STIP1: variants seen among roughly 807,000 people sequenced by gnomAD.
The protein encoded by STIP1 is stress-induced-phosphoprotein 1.
STIP1 carries 16 observed loss-of-function variants against 77.4 expected under a neutral mutation model. The observed-to-expected ratio is 0.21, with a 90% CI of 0.14 to 0.31. The LOEUF (loss-of-function observed/expected upper bound fraction) is 0.31. STIP1 is among the 10% of genes least tolerant of loss of function. The probability of loss-of-function intolerance (pLI) is 1.00; values close to 1 mark genes in which losing one functional copy is unlikely to be tolerated. For missense variants in STIP1, 524 were observed against 684.8 expected (o/e 0.77, Z 2.62); for synonymous variants, 258 against 246.6 (o/e 1.05, Z -0.44).
rs759585589 is a variant in STIP1, at chr11:64,200,532, GGT to G, written c.1245+250_1245+251del. 4.4e-4 allele frequency among the ~76,000 whole-genome samples: 67 copies of G among 150,738 alleles called. 1 individual carries two copies. The Middle Eastern group carries it at 0.01, about 23-fold the overall frequency. On this transcript the variant is annotated intron_variant, in intron 10 of 13. Coordinates refer to ENST00000305218, the MANE Select transcript of STIP1 (RefSeq NM_006819.3). ...TTGCTGTGTTGCCCAGATTTATAGG[GGT>G]GTGTGTGTGTATGTGTGTGTGCGTG...
intron 10 of STIP1, among the ~76,000 whole-genome samples, chr11:64,201,407 G>A (rs997288994): frequency 1.3e-5 from 2 of 152,148 alleles, no homozygotes; most frequent in African/African-American, 4.8e-5. Flanking sequence ...TTGCTTTTCT[G>A]TTTTGCTCAG....
Position 64,204,227 on chromosome 11 carries a change from C to T in STIP1, c.*101C>T. ...GAAGGGAGAGCAGGGGAGAGAAGGC[C>T]TCATCTCTCTATATTTATACATAAC... On this transcript the variant is annotated 3_prime_UTR_variant, in exon 14 of 14. Transcript: ENST00000305218. The T allele has an allele frequency of 8.7e-7, 1 of 1,154,808 alleles. No individual in the cohort carries two copies. Among genetic ancestry groups the T allele is most frequent in the Non-Finnish European group, 1.3e-6 (1 of 789,754 alleles). 71.5% of individuals were successfully genotyped at this position (1,154,808 alleles called of 1,614,324 possible).
intron 1 of STIP1, among the ~76,000 whole-genome samples, chr11:64,191,335 C>T (rs1024512859): frequency 7.9e-5 from 12 of 151,862 alleles, no homozygotes; most frequent in South Asian, 2.1e-4. Flanking sequence ...TGGCCAGGCG[C>T]GGTGGCTCAC....
Position 64,195,771 on chromosome 11 carries a change from G to A in STIP1, c.630G>A (p.Lys210=), listed in dbSNP as rs542878349. ...PPPPPPKKET[K]PEPMEEDLPE... is the part of the protein sequence containing the mutation. Reference sequence around the variant, plus strand: ...CACCCCCTCCCAAAAAGGAGACCAAGCCAGAGCCAATGGAAGAAGATCTTC... The same window carrying A: ...CACCCCCTCCCAAAAAGGAGACCAAACCAGAGCCAATGGAAGAAGATCTTC... The change falls in exon 5 of 14, where the codon AAG becomes AAA. Residue 210 remains lysine, a synonymous_variant. Transcript: ENST00000305218. 4 of 1,614,120 alleles carry A rather than the reference G, an allele frequency of 2.5e-6. No individual in the cohort carries two copies. The South Asian group carries it at 4.4e-5, about 18-fold the overall frequency.
intron 10 of STIP1, among the ~76,000 whole-genome samples, chr11:64,200,799 T>C (rs1167668628): frequency 2.6e-5 from 4 of 152,030 alleles, no homozygotes; most frequent in Non-Finnish European, 5.9e-5. Context: ...GTGGTGTCTG[T>C]GTTTACTTTT....
chr11:64,190,407 C>T (rs575294252), intron 1 of STIP1, among the ~76,000 whole-genome samples: 29 of 152,140 alleles, frequency 1.9e-4, no homozygotes, highest in Admixed American at 3.9e-4. Context: ...CTCCTGACCT[C>T]AGGTGATCTG....
intron 1 of STIP1, among the ~76,000 whole-genome samples, chr11:64,187,475 T>C (rs1299291828): frequency 4.6e-5 from 7 of 152,218 alleles, no homozygotes; most frequent in Non-Finnish European, 2.9e-5. Context: ...CTCGATGGAC[T>C]AGTGACTACC....
chr11:64,200,556 C>T (rs1490954636), intron 10 of STIP1, among the ~76,000 whole-genome samples: 10 of 140,690 alleles, frequency 7.1e-5, no homozygotes, highest in African/African-American at 1.9e-4. Flanking sequence ...TGTGTGTGTG[C>T]GTGTGTAAAA....
chr11:64,187,364 A>G (rs1308256171), intron 1 of STIP1, among the ~76,000 whole-genome samples: 2 of 151,808 alleles, frequency 1.3e-5, no homozygotes, highest in African/African-American at 4.8e-5. Context: ...CCGGGCCCAT[A>G]ACACTTGGGG....
At position 64,197,367 on chromosome 11, in the gene STIP1, A is replaced by T; in HGVS notation, c.769A>T (p.Thr257Ser). ...CGACAAAGCCAAGGAGCTGGACCCC[A>T]CTAACATGACTTACATTACCAATCA... ...HYDKAKELDP[T>S]NMTYITNQAA... The change falls in exon 6 of 14, where the codon ACT becomes TCT. Residue 257 changes from threonine (T) to serine (S), a missense_variant. Thr to Ser is a moderately conservative substitution (Grantham distance 58). Transcript: ENST00000305218. 1 of 1,614,052 alleles carries T rather than the reference A, an allele frequency of 6.2e-7. No individual in the cohort carries two copies. The highest frequency in any genetic ancestry group is 8.5e-7 in the Non-Finnish European group (1 of 1,180,018).
At chr11:64,185,638 A>G (rs1946001342), upstream of STIP1, 5 of 742,620 alleles carry the variant, frequency 6.7e-6, no homozygotes, top group South Asian at 9.7e-5. Flanking sequence ...CGAGAGGGAA[A>G]GCAACCCAGA....
chr11:64,193,352 CT>C, intron 2 of STIP1, 65 bp downstream of exon 2: 1 of 1,501,762 alleles, frequency 6.7e-7, no homozygotes, highest in South Asian at 1.1e-5. Flanking sequence ...TTTTGGTGGC[CT>C]GAGGTTTACC....
At position 64,189,196 on chromosome 11, in the gene STIP1, A is replaced by C. The variant is rs189751747; in HGVS notation, c.9+2926A>C. On this transcript the variant is annotated intron_variant, in intron 1 of 13. Coordinates refer to ENST00000305218, the MANE Select transcript of STIP1 (RefSeq NM_006819.3). ...GCCAATATGGTGAAACCCTGTCTCTATTAAAAATACAAAAATTAGCTGGAT... is the reference window on the plus strand; with the variant it reads ...GCCAATATGGTGAAACCCTGTCTCTCTTAAAAATACAAAAATTAGCTGGAT... Among the ~76,000 whole-genome samples, 14 of 152,308 alleles carry C rather than the reference A, an allele frequency of 9.2e-5. No homozygotes were observed. In the East Asian group the frequency reaches 2.7e-3, roughly 29 times the overall value.
intron 5 of STIP1, among the ~76,000 whole-genome samples, chr11:64,196,575 A>T (rs888349643): frequency 2.6e-5 from 4 of 152,070 alleles, no homozygotes; most frequent in African/African-American, 9.7e-5. Flanking sequence ...CGTGATCCGA[A>T]GAATGTTGTC....
At chr11:64,193,651 G>A (rs1446778860) in intron 2 of STIP1, among the ~76,000 whole-genome samples, 7 of 152,124 alleles carry the variant, frequency 4.6e-5, no homozygotes, top group Non-Finnish European at 1.0e-4. Flanking sequence ...GCCAGGCATG[G>A]TGGCATGTGC....
chr11:64,197,921 A>T lies in STIP1; in HGVS notation c.970A>T (p.Asn324Tyr), dbSNP rs372138048. Residue 324 changes from asparagine to tyrosine, a missense_variant, in exon 8 of 14, where the codon AAC (asparagine) becomes TAC (tyrosine). By Grantham distance (143) the Asn-to-Tyr change is moderately radical (BLOSUM62 -2). Coordinates refer to ENST00000305218, the MANE Select transcript of STIP1 (RefSeq NM_006819.3). ...EKYKDAIHFY[N>Y]KSLAEHRTPD... ...GTACAAGGATGCCATCCATTTCTATAACAAGTCTCTGGCAGAGCACCGAAC... is the reference window on the plus strand; with the variant it reads ...GTACAAGGATGCCATCCATTTCTATTACAAGTCTCTGGCAGAGCACCGAAC... 26 of 1,613,234 alleles carry T rather than the reference A, an allele frequency of 1.6e-5. No individual in the cohort carries two copies. The highest frequency in any genetic ancestry group is 1.9e-5 in the Non-Finnish European group (22 of 1,179,876).
At chr11:64,188,819 G>C (rs1215681632) in intron 1 of STIP1, among the ~76,000 whole-genome samples, 1 of 152,184 alleles carries the variant, frequency 6.6e-6, no homozygotes, top group African/African-American at 2.4e-5. Context: ...TTAATCCCAG[G>C]TGTGTTTGAG....
intron 4 of STIP1, among the ~76,000 whole-genome samples, chr11:64,195,237 C>T (rs953341213): frequency 2.6e-5 from 4 of 152,126 alleles, no homozygotes; most frequent in African/African-American, 9.7e-5. Context: ...CCTCAGCCTC[C>T]TGAGTAGCTG....
chr11:64,198,849 G>A (rs1157169595), intron 8 of STIP1, among the ~76,000 whole-genome samples: 1 of 143,864 alleles, frequency 7.0e-6, no homozygotes, highest in Non-Finnish European at 1.5e-5. Context: ...AATGTTAATA[G>A]TTCTTGTAAC....
Sources: allele counts gnomAD v4.1 joint callset (sites outside exome capture counted in the v4.1 genomes callset), GRCh38; gene constraint gnomAD v4.1.1; transcripts MANE v1.5; gene names NCBI Gene and HGNC (gene_info 2026-07-23, HGNC 2026-07-21).